LAMB4: variants seen among roughly 807,000 people sequenced by gnomAD.
LAMB4 encodes laminin subunit beta-4.
Under a neutral mutation model 199.2 loss-of-function variants are expected in LAMB4, and 196 were observed. The observed-to-expected ratio is 0.98, with a 90% CI of 0.88 to 1.11. The LOEUF is 1.11. LAMB4 is among the 50% of genes least tolerant of loss of function. LAMB4 has a pLI of 0.00. For missense variants in LAMB4, 2,080 were observed against 2,171.2 expected (o/e 0.96, Z 0.83); for synonymous variants, 744 against 770.6 (o/e 0.97, Z 0.57).
At chr7:108,044,418 T>C (rs2035543479) in intron 28 of LAMB4, 1 of 152,476 alleles carries the variant, frequency 6.6e-6, no homozygotes, top group African/African-American at 2.4e-5. Flanking sequence ...CAAAGATAAA[T>C]TCCAGACACT....
chr7:108,122,552 A>G (rs17155026), intron 2 of LAMB4, among the ~76,000 whole-genome samples: 6,513 of 152,330 alleles, frequency 0.043, 432 homozygotes, highest in African/African-American at 0.15. Context: ...TTCAGCATAA[A>G]TCTTTGAAGT....
chr7:108,063,414 T>C (rs555007507), intron 22 of LAMB4, among the ~76,000 whole-genome samples: 3 of 152,204 alleles, frequency 2.0e-5, no homozygotes, highest in African/African-American at 7.2e-5. Flanking sequence ...GCCTAGGAAT[T>C]TGCATGTTAA....
intron 11 of LAMB4, among the ~76,000 whole-genome samples, chr7:108,097,856 C>T (rs1031981367): frequency 3.3e-5 from 5 of 152,146 alleles, no homozygotes; most frequent in Admixed American, 6.5e-5. Flanking sequence ...TGCAACTTGG[C>T]GTTAAATTTC....
At chr7:108,074,587 T>A (rs1182405024) in intron 17 of LAMB4, among the ~76,000 whole-genome samples, 1 of 152,158 alleles carries the variant, frequency 6.6e-6, no homozygotes, top group African/African-American at 2.4e-5. Flanking sequence ...TAGTCTGGTC[T>A]TGAATACCTG....
intron 15 of LAMB4, among the ~76,000 whole-genome samples, chr7:108,078,975 C>G (rs2036817010): frequency 6.6e-6 from 1 of 152,148 alleles, no homozygotes; most frequent in Admixed American, 6.5e-5. Flanking sequence ...TTGGGAGCCT[C>G]TAAGACCACA....
chr7:108,020,615 A>G (rs2701046), downstream of LAMB4, among the ~76,000 whole-genome samples: 2,886 of 151,980 alleles, frequency 0.019, 94 homozygotes, highest in African/African-American at 0.066. Context: ...ATCCTCTTAG[A>G]TGGGAGGCAG....
chr7:108,025,045 CAT>C lies in LAMB4; in HGVS notation c.5147-869_5147-868del, dbSNP rs1242709976. Among the ~76,000 whole-genome samples the C allele has an allele frequency of 8.5e-5, 13 of 152,196 alleles. No homozygotes were observed. The East Asian group carries it at 2.3e-3, about 27-fold the overall frequency. ...TGGTTTGGAGTAATTGTCAAACTAA[CAT>C]GTGTTTAGAAAAAAGAATCAGATTG... On this transcript the variant is annotated intron_variant, in intron 33 of 33. Transcript: ENST00000388781.
intron 29 of LAMB4, among the ~76,000 whole-genome samples, chr7:108,039,219 G>A (rs1196621289): frequency 6.6e-6 from 1 of 152,100 alleles, no homozygotes; most frequent in Non-Finnish European, 1.5e-5. Flanking sequence ...CTGTGTCAGA[G>A]GCTAAGGAAC....
chr7:108,042,490 G>A (rs1050610277), intron 29 of LAMB4, among the ~76,000 whole-genome samples: 1 of 151,758 alleles, frequency 6.6e-6, no homozygotes, highest in Non-Finnish European at 1.5e-5. Flanking sequence ...TTTGATGTTT[G>A]TTTTGGTGCC....
chr7:108,110,798 G>T, intron 4 of LAMB4, among the ~76,000 whole-genome samples: 1 of 152,142 alleles, frequency 6.6e-6, no homozygotes. Context: ...ATTCATTAAG[G>T]AGAGTCCAGC....
downstream of LAMB4, among the ~76,000 whole-genome samples, chr7:108,020,289 T>C (rs1374934254): frequency 6.6e-6 from 1 of 151,882 alleles, no homozygotes; most frequent in Non-Finnish European, 1.5e-5. Context: ...CTGGCCAACA[T>C]GGTGAAACCC....
rs530662370 is a variant in LAMB4 at position 108,043,692 on chromosome 7, G to T, written c.4471+60C>A. The T allele has an allele frequency of 2.9e-5, 31 of 1,066,384 alleles. 1 individual carries two copies. The highest frequency in any genetic ancestry group is 3.6e-5 in the Non-Finnish European group (27 of 755,516). 66.1% of individuals were successfully genotyped at this position (1,066,384 alleles called of 1,614,324 possible). A position where few individuals can be genotyped will look rare whatever the true frequency, so the allele number is the denominator to read the frequency against. The stretch of plus-strand genomic sequence containing the variant: ...CCTCCTGGGTTCACGTATGATGTTT[G>T]ACTATACATTAAAAAGGGAAAAAAA... On this transcript the variant is annotated intron_variant, in intron 29 of 33. Transcript: ENST00000388781.
intron 17 of LAMB4, chr7:108,075,621 G>A (rs1217697483): frequency 1.3e-5 from 2 of 152,268 alleles, no homozygotes; most frequent in African/African-American, 4.8e-5. Context: ...TCTGTTGAAG[G>A]TGGGATGAAA....
In LAMB4 at chr7:108,069,813, G is replaced by A; in HGVS notation, c.2197C>T (p.His733Tyr). ...SKQDLDEYQL[H>Y]NCVEIASAMG... The stretch of plus-strand genomic sequence containing the variant: ...GCTGAGGCAATTTCAACACAGTTGT[G>A]AAGCTGATACTCATCTAAGTCCTGC... Residue 733 changes from histidine (H) to tyrosine (Y), a missense_variant, in exon 18 of 34, where the codon CAC (histidine) becomes TAC (tyrosine). Coordinates refer to ENST00000388781, the MANE Select transcript of LAMB4 (RefSeq NM_007356.3). 6.2e-7 allele frequency: 1 copy of A among 1,614,084 alleles called. No homozygotes were observed. Among genetic ancestry groups the A allele is most frequent in the Non-Finnish European group, 8.5e-7 (1 of 1,179,950 alleles).
intron 1 of LAMB4, among the ~76,000 whole-genome samples, chr7:108,129,390 CTA>C (rs2038904113): frequency 6.6e-6 from 1 of 152,098 alleles, no homozygotes; most frequent in African/African-American, 2.4e-5. Flanking sequence ...AAATAATTGT[CTA>C]TAAAGTGACA....
intron 17 of LAMB4, among the ~76,000 whole-genome samples, chr7:108,073,029 G>C (rs1036308165): frequency 1.3e-5 from 2 of 152,042 alleles, no homozygotes; most frequent in Admixed American, 1.3e-4. Context: ...TTTTTTGATG[G>C]AGTCTTGCTC....
intron 12 of LAMB4, among the ~76,000 whole-genome samples, chr7:108,094,441 C>A (rs569054757): frequency 1.1e-3 from 175 of 152,248 alleles, no homozygotes; most frequent in Non-Finnish European, 2.1e-3. Context: ...CCCTCTGCCC[C>A]ATCCTGTTTT....
intron 25 of LAMB4, 142 bp downstream of exon 25, chr7:108,055,490 C>T: frequency 1.1e-6 from 1 of 932,200 alleles, no homozygotes; most frequent in Middle Eastern, 3.5e-4. Context: ...CCCGGCCCAG[C>T]CTGGTTATTA....
intron 25 of LAMB4, among the ~76,000 whole-genome samples, chr7:108,052,701 G>A (rs967873927): frequency 6.6e-6 from 1 of 151,956 alleles, no homozygotes; most frequent in East Asian, 1.9e-4. Flanking sequence ...CATTCAGCAA[G>A]GTTCTTTTTA....
Sources: gnomAD v4.1 joint callset for allele counts (sites outside exome capture counted in the v4.1 genomes callset) on GRCh38, gnomAD v4.1.1 for gene constraint, MANE v1.5 for transcripts, NCBI Gene and HGNC (gene_info 2026-07-23, HGNC 2026-07-21) for gene names.